FRG1: variants seen among roughly 807,000 people sequenced by gnomAD.
FRG1 encodes protein FRG1.
Under a neutral mutation model 37.0 loss-of-function variants are expected in FRG1, and 19 were observed. That is an observed-to-expected ratio of 0.51 (90% CI 0.36 to 0.75). FRG1 has a LOEUF of 0.75. FRG1 is among the 30% of genes least tolerant of loss of function. FRG1 has a pLI of 0.00. For missense variants in FRG1, 243 were observed against 301.4 expected, an observed-to-expected ratio of 0.81 and a Z score of 1.44; for synonymous variants, 73 against 96.5, an observed-to-expected ratio of 0.76 and a Z score of 1.43.
chr4:189,960,086 AT>A (rs1347055146), intron 6 of FRG1, among the ~76,000 whole-genome samples: 1 of 152,200 alleles, frequency 6.6e-6, no homozygotes, highest in Non-Finnish European at 1.5e-5. Flanking sequence ...CAAACACGTT[AT>A]TTGTCATCAC....
chr4:189,941,358 C>T (rs1303566095), intron 1 of FRG1, among the ~76,000 whole-genome samples: 3 of 152,206 alleles, frequency 2.0e-5, no homozygotes, highest in Non-Finnish European at 4.4e-5. Flanking sequence ...AGGCCTCTGC[C>T]TGGGGGGTCT....
At chr4:189,952,742 A>T (rs1422818664) in intron 3 of FRG1, among the ~76,000 whole-genome samples, 3 of 152,198 alleles carry the variant, frequency 2.0e-5, no homozygotes, top group Non-Finnish European at 4.4e-5. Flanking sequence ...CAGCAAGGCC[A>T]TCCCTTGAAT....
chr4:189,958,695 C>G (rs1737095451), intron 6 of FRG1, among the ~76,000 whole-genome samples: 1 of 152,186 alleles, frequency 6.6e-6, no homozygotes, highest in Admixed American at 6.5e-5. Flanking sequence ...ATCTTCATAT[C>G]AAGGTGAAAT....
chr4:189,951,499 A>AG (rs1469539566), intron 2 of FRG1, among the ~76,000 whole-genome samples: 2 of 152,082 alleles, frequency 1.3e-5, no homozygotes, highest in East Asian at 3.9e-4. Context: ...CAAAAAAAAA[A>AG]AAAAAAAGAT....
intron 1 of FRG1, among the ~76,000 whole-genome samples, chr4:189,942,426 A>C (rs1736350712): frequency 6.6e-6 from 1 of 152,160 alleles, no homozygotes; most frequent in Non-Finnish European, 1.5e-5. Context: ...TCCGCTCTCT[A>C]TGTGAAATCG....
At chr4:189,962,875 C>T (rs541270874) in intron 8 of FRG1, among the ~76,000 whole-genome samples, 3 of 152,104 alleles carry the variant, frequency 2.0e-5, no homozygotes, top group Non-Finnish European at 2.9e-5. Flanking sequence ...TTGAAAAAGC[C>T]CTTAGGCAAC....
At chr4:189,941,613 A>G (rs553596465) in intron 1 of FRG1, among the ~76,000 whole-genome samples, 1 of 152,162 alleles carries the variant, frequency 6.6e-6, no homozygotes, top group Non-Finnish European at 1.5e-5. Flanking sequence ...CTGAACTTCC[A>G]TTTACTCATT....
At chr4:189,948,506 C>T (rs1736620861) in intron 2 of FRG1, among the ~76,000 whole-genome samples, 1 of 152,136 alleles carries the variant, frequency 6.6e-6, no homozygotes, top group East Asian at 1.9e-4. Context: ...ATTCCATTTC[C>T]AAATCTAAGA....
At chr4:189,959,079 T>G (rs965194697) in intron 6 of FRG1, among the ~76,000 whole-genome samples, 6 of 152,232 alleles carry the variant, frequency 3.9e-5, no homozygotes, top group Non-Finnish European at 7.3e-5. Context: ...TAAAAATTTA[T>G]GTTACATTTT....
chr4:189,950,233 T>A (rs966470597), intron 2 of FRG1, among the ~76,000 whole-genome samples: 1 of 152,244 alleles, frequency 6.6e-6, no homozygotes, highest in African/African-American at 2.4e-5. Flanking sequence ...ATTGTGGTAT[T>A]TGTCTTTTTG....
In FRG1 at chr4:189,957,530, T is replaced by G. The variant is rs539677232; in HGVS notation, c.537+28T>G. 4.4e-5 allele frequency: 70 copies of G among 1,608,308 alleles called. No individual in the cohort carries two copies. In the African/African-American group the frequency reaches 8.9e-4, roughly 20 times the overall value. On this transcript the variant is annotated intron_variant, in intron 6 of 8. Transcript: ENST00000226798. Reference sequence around the variant, plus strand: ...AATGATGACATTTTATACAGATGACTGCATTCACACATGCGATGTGACTGT... The same window carrying G: ...AATGATGACATTTTATACAGATGACGGCATTCACACATGCGATGTGACTGT...
At chr4:189,960,480 G>A (rs1445814622) in intron 6 of FRG1, among the ~76,000 whole-genome samples, 3 of 152,208 alleles carry the variant, frequency 2.0e-5, no homozygotes, top group Admixed American at 6.5e-5. Context: ...TTTCCTAGCA[G>A]GATCTGATGT....
rs1299045679 is a variant in FRG1 at position 189,956,282 on chromosome 4, G to T, written c.433-1116G>T. 2.0e-5 allele frequency among the ~76,000 whole-genome samples: 3 copies of T among 151,902 alleles called. No homozygotes were observed. The East Asian group carries it at 5.8e-4, about 29-fold the overall frequency. Reference sequence around the variant, plus strand: ...TGATTTCATGACCCGCTAATGTGTTGCAACCCCTTTGAGATGATCCTACTA... The same window carrying T: ...TGATTTCATGACCCGCTAATGTGTTTCAACCCCTTTGAGATGATCCTACTA... On this transcript the variant is annotated intron_variant, in intron 5 of 8. Coordinates refer to ENST00000226798, the MANE Select transcript of FRG1 (RefSeq NM_004477.3).
rs191249604 is a variant in FRG1, at chr4:189,943,388, A to G, written c.133+116A>G. 1.2e-4 allele frequency: 138 copies of G among 1,114,850 alleles called. No homozygotes were observed. In the African/African-American group the frequency reaches 1.7e-3, roughly 13 times the overall value. 69.1% of individuals were successfully genotyped at this position (1,114,850 alleles called of 1,614,324 possible). ...TATTCATATTTGTCTTAAAGTGCTT[A>G]AATATTACCTACAGTTATAAATTCC... On this transcript the variant is annotated intron_variant, in intron 2 of 8. Coordinates refer to ENST00000226798, the MANE Select transcript of FRG1 (RefSeq NM_004477.3).
Position 189,955,090 on chromosome 4 carries a change from T to C in FRG1, c.371T>C (p.Leu124Pro). 6.2e-7 allele frequency: 1 copy of C among 1,613,642 alleles called. No individual in the cohort carries two copies. ...TATCTTGGTATAAATTCAGATGGAC[T>C]TGTTGTTGGGCGTTCAGATGCAATT... Reference protein sequence around the residue: ...GKYLGINSDGLVVGRSDAIGP... With the variant: ...GKYLGINSDGPVVGRSDAIGP... The change falls in exon 5 of 9, where the codon CTT becomes CCT. Residue 124 changes from leucine (L) to proline (P), a missense_variant. Leu to Pro is a moderately conservative substitution (Grantham distance 98, BLOSUM62 -3). Transcript: ENST00000226798.
intron 8 of FRG1, 53 bp downstream of exon 8, chr4:189,961,985 A>T (rs1378082691): frequency 1.1e-6 from 1 of 927,394 alleles, no homozygotes; most frequent in South Asian, 1.6e-5. Flanking sequence ...TAGAAATGGC[A>T]TGTAGAAAAC....
intron 4 of FRG1, 76 bp from the exon 5 acceptor site, chr4:189,954,961 A>G: frequency 1.2e-6 from 1 of 833,812 alleles, no homozygotes. Flanking sequence ...CCACACACAT[A>G]CGCATGTCCT....
chr4:189,957,451 A>G lies in FRG1; in HGVS notation c.486A>G (p.Ala162=). 3 of 1,613,010 alleles carry G rather than the reference A, an allele frequency of 1.9e-6. No homozygotes were observed. Among genetic ancestry groups the G allele is most frequent in the Non-Finnish European group, 2.5e-6 (3 of 1,179,310 alleles). The stretch of plus-strand genomic sequence containing the variant: ...GCTGCTTTATTAGATGCAATGAAGC[A>G]GGGGACATAGAAGCAAAAAGTAAAA... ...SNSCFIRCNE[A]GDIEAKSKTA... The change falls in exon 6 of 9, where the codon GCA becomes GCG. Residue 162 remains alanine, a synonymous_variant. Transcript: ENST00000226798.
intron 6 of FRG1, 130 bp from the exon 7 acceptor site, chr4:189,960,618 T>G (rs1224534356): frequency 1.9e-6 from 2 of 1,041,008 alleles, no homozygotes; most frequent in Non-Finnish European, 2.7e-6. Context: ...AACCTTTTTC[T>G]GAATATAGTT....
Sources: allele counts gnomAD v4.1 joint callset (sites outside exome capture counted in the v4.1 genomes callset), GRCh38; gene constraint gnomAD v4.1.1; transcripts MANE v1.5; gene names NCBI Gene and HGNC (gene_info 2026-07-23, HGNC 2026-07-21).